The following FAM120C variants were observed in gnomAD, a reference collection of about 807,000 sequenced individuals.
The protein encoded by FAM120C is family with sequence similarity 120 member C, also known as constitutive coactivator of PPAR-gamma-like protein 2.
In FAM120C, 14 loss-of-function variants were observed where a neutral mutation model predicts 71.2. That is an observed-to-expected ratio of 0.20 (90% CI 0.13 to 0.31). The LOEUF is 0.31. Among genes scored for constraint, FAM120C ranks in the 10% least tolerant of loss-of-function variants. The pLI is 1.00. For missense variants in FAM120C, 500 were observed against 879.0 expected, an observed-to-expected ratio of 0.57 and a Z score of 5.45; for synonymous variants, 354 against 353.2, an observed-to-expected ratio of 1.00 and a Z score of -0.03.
chrX:54,163,440 C>A (rs1557134655), intron 1 of FAM120C, among the ~76,000 whole-genome samples: 1 of 111,897 alleles, frequency 8.9e-6, no homozygotes, highest in Non-Finnish European at 1.9e-5. Flanking sequence ...TATTGTATGA[C>A]TTCTTTCATA....
At chrX:54,154,240 C>T (rs190827168) in intron 3 of FAM120C, among the ~76,000 whole-genome samples, 59 of 97,724 alleles carry the variant, frequency 6.0e-4, no homozygotes, top group African/African-American at 2.2e-3. Context: ...ATGGTATTTG[C>T]TGACAAATGA....
intron 3 of FAM120C, among the ~76,000 whole-genome samples, chrX:54,156,903 A>G (rs2067212742): frequency 9.5e-6 from 1 of 105,443 alleles, no homozygotes; most frequent in Admixed American, 1.0e-4. Context: ...AAAAAAAAAA[A>G]AAAAAATGAG....
At chrX:54,094,245 C>G (rs1376357189) in intron 10 of FAM120C, among the ~76,000 whole-genome samples, 1 of 108,755 alleles carries the variant, frequency 9.2e-6, no homozygotes, top group Non-Finnish European at 1.9e-5. Context: ...CTATAGGTGC[C>G]TGCCACCACG....
chrX:54,112,795 C>T lies in FAM120C; in HGVS notation c.2312+3750G>A, dbSNP rs373860336. 6.7e-5 allele frequency among the ~76,000 whole-genome samples: 7 copies of T among 103,748 alleles called. No individual in the cohort carries two copies. In the East Asian group the frequency reaches 1.5e-3, roughly 23 times the overall value. 90.1% of individuals were successfully genotyped at this position (103,748 alleles called of 115,157 possible). A position where few individuals can be genotyped will look rare whatever the true frequency, so the allele number is the denominator to read the frequency against. On this transcript the variant is annotated intron_variant, in intron 10 of 15. Coordinates refer to ENST00000375180, the MANE Select transcript of FAM120C (RefSeq NM_017848.6). Reference sequence around the variant, plus strand: ...GGCGGAGCTTGCAGTGAGCCGAGATCGTGCCACTGCACTCCAGCCTGGGTG... The same window carrying T: ...GGCGGAGCTTGCAGTGAGCCGAGATTGTGCCACTGCACTCCAGCCTGGGTG...
intron 12 of FAM120C, among the ~76,000 whole-genome samples, chrX:54,087,048 A>T (rs1251800540): frequency 2.7e-5 from 3 of 109,434 alleles, no homozygotes; most frequent in African/African-American, 1.0e-4. Flanking sequence ...ATCTTTCCCA[A>T]TGTTTCATTA....
In FAM120C at chrX:54,072,706, T is replaced by A. The variant is rs2066716546; in HGVS notation, c.*327A>T. On this transcript the variant is annotated 3_prime_UTR_variant, in exon 16 of 16. Transcript: ENST00000375180. ...GCTAGAGCTTTTCTATAGGACCTTA[T>A]GTGATGATACCCAATTTCTGACAGC... 5.6e-6 allele frequency: 1 copy of A among 177,838 alleles called. No homozygotes were observed. Among genetic ancestry groups the A allele is most frequent in the Admixed American group, 7.3e-5 (1 of 13,780 alleles). 14.7% of individuals were successfully genotyped at this position (177,838 alleles called of 1,213,427 possible). A position where few individuals can be genotyped will look rare whatever the true frequency, so the allele number is the denominator to read the frequency against.
intron 1 of FAM120C, among the ~76,000 whole-genome samples, chrX:54,179,626 G>A (rs781894929): frequency 1.8e-5 from 2 of 111,103 alleles, no homozygotes; most frequent in Non-Finnish European, 3.8e-5. Flanking sequence ...TAGTAACATC[G>A]ACAGACACTT....
intron 13 of FAM120C, among the ~76,000 whole-genome samples, chrX:54,083,849 A>G (rs925328568): frequency 9.0e-6 from 1 of 110,532 alleles, no homozygotes; most frequent in Non-Finnish European, 1.9e-5. Context: ...CCGAGTAGCT[A>G]GGATTACAGA....
intron 1 of FAM120C, among the ~76,000 whole-genome samples, chrX:54,172,065 G>A (rs782205954): frequency 9.8e-5 from 11 of 112,607 alleles, no homozygotes; most frequent in Non-Finnish European, 1.5e-4. Flanking sequence ...CTTGCCAAAT[G>A]AGTTTCCCAA....
chrX:54,075,048 C>T (rs1370372199), intron 15 of FAM120C, among the ~76,000 whole-genome samples: 3 of 111,493 alleles, frequency 2.7e-5, no homozygotes, highest in Admixed American at 1.9e-4. Flanking sequence ...GTCCAAGCTA[C>T]CTGGGAGGTT....
At chrX:54,096,821 C>T (rs997363135) in intron 10 of FAM120C, among the ~76,000 whole-genome samples, 3 of 111,326 alleles carry the variant, frequency 2.7e-5, no homozygotes, top group East Asian at 2.8e-4. Flanking sequence ...ATTATTGGGT[C>T]GTAGGTTATA....
chrX:54,101,314 C>A (rs2066881157), intron 10 of FAM120C, among the ~76,000 whole-genome samples: 1 of 111,190 alleles, frequency 9.0e-6, no homozygotes, highest in African/African-American at 3.3e-5. Flanking sequence ...CAGGCCTCCT[C>A]CACTCCCAAA....
At chrX:54,177,690 CAG>C (rs2067325919) in intron 1 of FAM120C, among the ~76,000 whole-genome samples, 1 of 111,406 alleles carries the variant, frequency 9.0e-6, no homozygotes, top group South Asian at 3.8e-4. Flanking sequence ...AGGGTAGAGA[CAG>C]AGCAATAGGA....
rs1007664179 is a variant in FAM120C, at chrX:54,146,674, C to G, written c.1158+4571G>C. 2.7e-5 allele frequency among the ~76,000 whole-genome samples: 3 copies of G among 111,676 alleles called. No homozygotes were observed. The Admixed American group carries it at 2.9e-4, about 11-fold the overall frequency. On this transcript the variant is annotated intron_variant, in intron 4 of 15. Transcript: ENST00000375180. ...CCGGCCTGGGCAACAGAGTGAAACT[C>G]TGTCTCTAAATGAATGAATGAATGA...
chrX:54,101,725 TAAC>T (rs782040410), intron 10 of FAM120C, among the ~76,000 whole-genome samples: 2 of 112,200 alleles, frequency 1.8e-5, no homozygotes, highest in East Asian at 5.6e-4. Context: ...TGCCAATTTA[TAAC>T]AAGGATGGCC....
chrX:54,081,988 G>A, intron 13 of FAM120C, among the ~76,000 whole-genome samples: 1 of 108,925 alleles, frequency 9.2e-6, no homozygotes, highest in Non-Finnish European at 1.9e-5. Flanking sequence ...TTCGAGAGCA[G>A]CCTGGCCAAC....
chrX:54,126,584 G>C (rs2067028559), intron 9 of FAM120C, among the ~76,000 whole-genome samples: 1 of 112,441 alleles, frequency 8.9e-6, no homozygotes, highest in South Asian at 3.6e-4. Context: ...GTTCTTTGTA[G>C]ATGTTCTTTA....
At chrX:54,166,602 C>G (rs1557135199) in intron 1 of FAM120C, among the ~76,000 whole-genome samples, 1 of 111,872 alleles carries the variant, frequency 8.9e-6, no homozygotes, top group African/African-American at 3.3e-5. Context: ...TGACAAAACT[C>G]TATCTATACA....
At chrX:54,115,298 TAAAG>T (rs1429212941) in intron 10 of FAM120C, among the ~76,000 whole-genome samples, 1 of 111,440 alleles carries the variant, frequency 9.0e-6, no homozygotes, top group Non-Finnish European at 1.9e-5. Flanking sequence ...GCAAGACAAA[TAAAG>T]AAGCACTTCA....
Sources: gnomAD v4.1 joint callset for allele counts (sites outside exome capture counted in the v4.1 genomes callset) on GRCh38, gnomAD v4.1.1 for gene constraint, MANE v1.5 for transcripts, NCBI Gene and HGNC (gene_info 2026-07-23, HGNC 2026-07-21) for gene names.